The following PAK3 variants were observed in gnomAD, a reference collection of about 807,000 sequenced individuals.
The protein encoded by PAK3 is serine/threonine-protein kinase PAK 3.
A neutral mutation model predicts 41.0 loss-of-function variants in PAK3; 4 were observed. The ratio of observed to expected loss-of-function variants is 0.10; its 90% CI spans 0.05 to 0.22. The LOEUF (loss-of-function observed/expected upper bound fraction) is 0.22. PAK3 is among the 10% of genes least tolerant of loss of function. PAK3 has a pLI of 1.00. For synonymous variants in PAK3, 146 were observed against 139.6 expected, an observed-to-expected ratio of 1.05 and a Z score of -0.32; for missense variants, 205 against 409.9, an observed-to-expected ratio of 0.50 and a Z score of 4.32.
chrX:110,953,317 C>A (rs1181215510), intron 1 of PAK3, among the ~76,000 whole-genome samples: 2 of 111,714 alleles, frequency 1.8e-5, no homozygotes, highest in Non-Finnish European at 3.8e-5. Flanking sequence ...TGACCCTGAA[C>A]TAGAGCTTAA....
intron 1 of PAK3, among the ~76,000 whole-genome samples, chrX:111,011,571 ATCAT>A (rs928366688): frequency 1.8e-5 from 2 of 112,534 alleles, no homozygotes; most frequent in African/African-American, 6.5e-5. Flanking sequence ...AATACTACAT[ATCAT>A]TCTTTTAAAG....
At chrX:111,069,173 CT>C (rs1440866605) in intron 1 of PAK3, among the ~76,000 whole-genome samples, 1 of 111,979 alleles carries the variant, frequency 8.9e-6, no homozygotes, top group African/African-American at 3.3e-5. Flanking sequence ...TTACAGACCC[CT>C]CTTCACGTTT....
At chrX:111,144,485 A>G (rs1462052208) in intron 6 of PAK3, among the ~76,000 whole-genome samples, 1 of 111,579 alleles carries the variant, frequency 9.0e-6, no homozygotes, top group African/African-American at 3.2e-5. Flanking sequence ...AAATTATAAA[A>G]AGCTTTTAAG....
chrX:110,962,000 G>T (rs186738421), intron 1 of PAK3, among the ~76,000 whole-genome samples: 198 of 111,792 alleles, frequency 1.8e-3, no homozygotes, highest in African/African-American at 6.3e-3. Flanking sequence ...CCTTGTCCTA[G>T]ACCTGAAATA....
intron 1 of PAK3, among the ~76,000 whole-genome samples, chrX:111,020,641 G>A (rs145121009): frequency 0.03 from 3,387 of 111,415 alleles, 121 homozygotes; most frequent in African/African-American, 0.1. Context: ...CAGGGAAGCC[G>A]AGAGAATCCA....
intron 11 of PAK3, among the ~76,000 whole-genome samples, chrX:111,175,239 T>G (rs956658530): frequency 4.5e-5 from 5 of 111,650 alleles, no homozygotes. Context: ...TGGTGGCCAG[T>G]AACCACATTT....
chrX:111,180,085 T>C (rs1350894193), intron 11 of PAK3, among the ~76,000 whole-genome samples: 1 of 111,659 alleles, frequency 9.0e-6, no homozygotes, highest in Non-Finnish European at 1.9e-5. Flanking sequence ...ATTGCCAGCT[T>C]TCATTGTAAA....
chrX:111,146,915 T>G (rs1214952844), intron 6 of PAK3, among the ~76,000 whole-genome samples: 4 of 111,729 alleles, frequency 3.6e-5, no homozygotes, highest in Non-Finnish European at 7.5e-5. Context: ...TTTTTGCAAT[T>G]CTCCTTGGTT....
chrX:110,992,914 A>T (rs1287449878), intron 1 of PAK3, among the ~76,000 whole-genome samples: 1 of 111,927 alleles, frequency 8.9e-6, no homozygotes, highest in Non-Finnish European at 1.9e-5. Context: ...TATATCCCCC[A>T]ACGTTTCTCC....
chrX:111,149,088 A>G (rs941852582), intron 7 of PAK3, among the ~76,000 whole-genome samples: 1 of 111,692 alleles, frequency 9.0e-6, no homozygotes, highest in African/African-American at 3.3e-5. Flanking sequence ...TGGCCAAAAC[A>G]AAGGGATTAC....
chrX:111,184,405 T>C (rs1286390382), intron 11 of PAK3, among the ~76,000 whole-genome samples: 3 of 110,482 alleles, frequency 2.7e-5, no homozygotes, highest in Non-Finnish European at 5.7e-5. Context: ...ACTGACTTTT[T>C]TTTTTTTAAT....
chrX:111,171,050 T>G (rs1452735934), intron 10 of PAK3, among the ~76,000 whole-genome samples: 2 of 110,849 alleles, frequency 1.8e-5, no homozygotes, highest in African/African-American at 6.5e-5. Context: ...ATGAATAGTA[T>G]GGTCCCCCTT....
intron 1 of PAK3, among the ~76,000 whole-genome samples, chrX:111,089,502 C>T (rs1298701355): frequency 1.8e-5 from 2 of 111,542 alleles, no homozygotes; most frequent in Non-Finnish European, 3.8e-5. Context: ...GGTACAGATC[C>T]CTTTGGGATT....
At chrX:111,182,305 C>T (rs1007617408) in intron 11 of PAK3, among the ~76,000 whole-genome samples, 28 of 110,242 alleles carry the variant, frequency 2.5e-4, no homozygotes, top group African/African-American at 8.6e-4. Flanking sequence ...TATAACCCAC[C>T]GAGCTCCCTG....
chrX:111,025,839 CAA>C lies in PAK3; in HGVS notation c.-28+81224_-28+81225del, dbSNP rs374978131. Among the ~76,000 whole-genome samples, 153 of 79,328 alleles carry C rather than the reference CAA, an allele frequency of 1.9e-3. 1 individual carries two copies. Among genetic ancestry groups the C allele is most frequent in the African/African-American group, 6.3e-3 (145 of 22,950 alleles). The allele number at this position is 79,328 out of a possible 115,157, so 68.9% of individuals were successfully genotyped here. On this transcript the variant is annotated intron_variant, in intron 1 of 14. Coordinates refer to the PAK3 transcript ENST00000425146. ...ATACCAAAACCAGGAAAGGATATAA[CAA>C]AAAAAAAAAAAAGAAAACTACAGAC...
At chrX:111,192,371 G>A (rs1335955426) in intron 12 of PAK3, 135 bp from the exon 13 acceptor site, 3 of 527,504 alleles carry the variant, frequency 5.7e-6, no homozygotes, top group Non-Finnish European at 9.8e-6. Context: ...AAAGTGGGGG[G>A]CATGTGTTTG....
chrX:111,136,282 A>G (rs1427629894), intron 5 of PAK3, among the ~76,000 whole-genome samples: 2 of 111,609 alleles, frequency 1.8e-5, no homozygotes, highest in Non-Finnish European at 3.8e-5. Context: ...AAGCACCATT[A>G]ATGACCCAGC....
At chrX:110,968,744 G>C (rs1026660779) in intron 1 of PAK3, among the ~76,000 whole-genome samples, 5 of 111,258 alleles carry the variant, frequency 4.5e-5, no homozygotes, top group Non-Finnish European at 5.7e-5. Flanking sequence ...TTAGATGCAT[G>C]ATTTGCAAAT....
chrX:111,128,531 C>CA (rs1217294321), intron 5 of PAK3, among the ~76,000 whole-genome samples: 2 of 111,683 alleles, frequency 1.8e-5, no homozygotes, highest in Non-Finnish European at 3.8e-5. Flanking sequence ...TTTAAGTAGA[C>CA]AACCAACCTA....
Sources: gnomAD v4.1 joint callset for allele counts (sites outside exome capture counted in the v4.1 genomes callset) on GRCh38, gnomAD v4.1.1 for gene constraint, MANE v1.5 for transcripts, NCBI Gene and HGNC (gene_info 2026-07-23, HGNC 2026-07-21) for gene names.